The following NFIA variants were observed in gnomAD, a reference collection of about 807,000 sequenced individuals.
NFIA encodes nuclear factor 1 A-type.
A neutral mutation model predicts 62.8 loss-of-function variants in NFIA; 8 were observed. The observed-to-expected ratio is 0.13, with a 90% CI of 0.07 to 0.23. The LOEUF is 0.23. Among genes scored for constraint, NFIA ranks in the 10% least tolerant of loss-of-function variants. NFIA has a pLI of 1.00. For synonymous variants in NFIA, 235 were observed against 238.1 expected (o/e 0.99, Z 0.12); for missense variants, 410 against 642.1 (o/e 0.64, Z 3.91).
At chr1:61,196,531 G>T (rs1652012631) in intron 2 of NFIA, among the ~76,000 whole-genome samples, 1 of 152,084 alleles carries the variant, frequency 6.6e-6, no homozygotes, top group African/African-American at 2.4e-5. Context: ...AATATGACTG[G>T]CCAGTGGCAT....
At chr1:61,360,851 G>A (rs1663250155) in intron 6 of NFIA, among the ~76,000 whole-genome samples, 1 of 152,180 alleles carries the variant, frequency 6.6e-6, no homozygotes, top group Non-Finnish European at 1.5e-5. Context: ...AGGCCCATTG[G>A]CGGTGTCTTT....
chr1:61,309,006 A>G (rs145167865), intron 3 of NFIA, among the ~76,000 whole-genome samples: 127 of 152,338 alleles, frequency 8.3e-4, no homozygotes, highest in African/African-American at 2.9e-3. Context: ...CTGTAGGGCT[A>G]AGATCTCAAT....
intron 2 of NFIA, among the ~76,000 whole-genome samples, chr1:61,115,726 A>G (rs1231083912): frequency 6.6e-6 from 1 of 152,162 alleles, no homozygotes; most frequent in Non-Finnish European, 1.5e-5. Flanking sequence ...CCCGTGAGAA[A>G]CTTCCCAACT....
intron 6 of NFIA, among the ~76,000 whole-genome samples, chr1:61,378,630 G>A (rs1664263376): frequency 6.6e-6 from 1 of 152,140 alleles, no homozygotes; most frequent in Non-Finnish European, 1.5e-5. Context: ...TTATCTCACA[G>A]TTTCCATGGG....
intron 2 of NFIA, among the ~76,000 whole-genome samples, chr1:61,198,904 C>T (rs1282656340): frequency 6.6e-6 from 1 of 152,184 alleles, no homozygotes; most frequent in African/African-American, 2.4e-5. Flanking sequence ...GCAGAGACCT[C>T]ACCACCCCGG....
chr1:61,215,801 A>AT (rs1401412798), intron 2 of NFIA, among the ~76,000 whole-genome samples: 2 of 152,184 alleles, frequency 1.3e-5, no homozygotes, highest in Admixed American at 6.5e-5. Context: ...TTCAGGACTC[A>AT]TTTGCCCCTT....
chr1:61,374,586 T>C (rs1159327473), intron 6 of NFIA, among the ~76,000 whole-genome samples: 1 of 152,150 alleles, frequency 6.6e-6, no homozygotes, highest in East Asian at 1.9e-4. Context: ...AAATGAACAT[T>C]TGGAATATAT....
chr1:61,293,798 C>G (rs1426672053), intron 3 of NFIA, among the ~76,000 whole-genome samples: 1 of 152,166 alleles, frequency 6.6e-6, no homozygotes, highest in Non-Finnish European at 1.5e-5. Flanking sequence ...TAGTTAAGAG[C>G]CAGAATTCTA....
intron 7 of NFIA, among the ~76,000 whole-genome samples, chr1:61,393,288 TCTCC>T (rs1283990746): frequency 4.5e-5 from 3 of 66,506 alleles, no homozygotes; most frequent in African/African-American, 1.5e-4. Context: ...TCTCTCTCTC[TCTCC>T]CTCTTTCTCT....
chr1:61,455,294 G>T lies in NFIA; in HGVS notation c.1513-9G>T, dbSNP rs774174809. The T allele has an allele frequency of 6.2e-7, 1 of 1,612,714 alleles. No individual in the cohort carries two copies. The highest frequency in any genetic ancestry group is 8.5e-7 in the Non-Finnish European group (1 of 1,179,598). On this transcript the variant is annotated splice_polypyrimidine_tract_variant and intron_variant, in intron 10 of 10. Coordinates refer to ENST00000403491, the MANE Select transcript of NFIA (RefSeq NM_001134673.4). ...TGATTTTAATTGTATTTTTCCTTTT[G>T]TCTTCCAGTCCTGGTACCTGGGATA...
chr1:61,420,021 G>C (rs79934357), intron 9 of NFIA, among the ~76,000 whole-genome samples: 1 of 152,180 alleles, frequency 6.6e-6, no homozygotes, highest in Non-Finnish European at 1.5e-5. Flanking sequence ...TCCTCTAGAT[G>C]CTAAACATCT....
intron 6 of NFIA, among the ~76,000 whole-genome samples, chr1:61,380,662 AAATGT>A (rs1411363384): frequency 6.6e-6 from 1 of 152,200 alleles, no homozygotes; most frequent in Non-Finnish European, 1.5e-5. Context: ...TATAATAAGG[AAATGT>A]GCTCAATACG....
In NFIA at chr1:61,120,499, A is replaced by G. The variant is rs191726307; in HGVS notation, c.559+31819A>G. On this transcript the variant is annotated intron_variant, in intron 2 of 10. Transcript: ENST00000403491. ...CACACTCTGGTCGTTTTGTTATTCT[A>G]ATGTCCACTTATTTCATGTCTGCCG... Among the ~76,000 whole-genome samples, 8 of 152,292 alleles carry G rather than the reference A, an allele frequency of 5.3e-5. No homozygotes were observed. In the East Asian group the frequency reaches 9.6e-4, roughly 18 times the overall value.
At chr1:61,453,360 C>T (rs1037061705) in intron 10 of NFIA, among the ~76,000 whole-genome samples, 3 of 151,336 alleles carry the variant, frequency 2.0e-5, no homozygotes, top group African/African-American at 7.3e-5. Flanking sequence ...TCAATAAAGC[C>T]TATTTCAGTG....
intron 2 of NFIA, among the ~76,000 whole-genome samples, chr1:61,142,165 A>T (rs1647584279): frequency 6.6e-6 from 1 of 152,216 alleles, no homozygotes. Context: ...TTTCCATTTA[A>T]GAAAGAATTT....
intron 2 of NFIA, among the ~76,000 whole-genome samples, chr1:61,154,439 A>T (rs2100526246): frequency 6.6e-6 from 1 of 152,228 alleles, no homozygotes; most frequent in Admixed American, 6.5e-5. Flanking sequence ...TATAGGCATG[A>T]GCCACCACAC....
intron 2 of NFIA, among the ~76,000 whole-genome samples, chr1:61,163,777 T>C (rs1480749656): frequency 6.6e-6 from 1 of 152,198 alleles, no homozygotes; most frequent in Non-Finnish European, 1.5e-5. Flanking sequence ...TGGTATCTAT[T>C]TTTGTATGCT....
chr1:61,220,659 G>A (rs1010498792), intron 2 of NFIA, among the ~76,000 whole-genome samples: 2 of 152,082 alleles, frequency 1.3e-5, no homozygotes, highest in African/African-American at 2.4e-5. Context: ...TCATAATAAT[G>A]GCATGTATTT....
chr1:61,319,782 A>G (rs1660568917), intron 3 of NFIA, among the ~76,000 whole-genome samples: 1 of 120,398 alleles, frequency 8.3e-6, no homozygotes, highest in African/African-American at 3.9e-5. Context: ...TTCTTCCTGG[A>G]AGAATTAAAC....
Sources: gnomAD v4.1 joint callset for allele counts (sites outside exome capture counted in the v4.1 genomes callset) on GRCh38, gnomAD v4.1.1 for gene constraint, MANE v1.5 for transcripts, NCBI Gene and HGNC (gene_info 2026-07-23, HGNC 2026-07-21) for gene names.